The following RAB2A variants were observed in gnomAD, a reference collection of about 807,000 sequenced individuals.
The protein encoded by RAB2A is ras-related protein Rab-2A.
A neutral mutation model predicts 32.5 loss-of-function variants in RAB2A; 7 were observed. The observed-to-expected ratio is 0.22, with a 90% confidence interval of 0.12 to 0.40. RAB2A has a LOEUF of 0.40. RAB2A is among the 10% of genes least tolerant of loss of function. The pLI, the probability that RAB2A is intolerant of heterozygous loss-of-function variation, is 1.00. For synonymous variants in RAB2A, 79 were observed against 85.2 expected, an observed-to-expected ratio of 0.93 and a Z score of 0.40; for missense variants, 108 against 260.7, an observed-to-expected ratio of 0.41 and a Z score of 4.03.
intron 2 of RAB2A, among the ~76,000 whole-genome samples, chr8:60,570,400 TC>T (rs1273614257): frequency 6.6e-6 from 1 of 152,182 alleles, no homozygotes; most frequent in Admixed American, 6.5e-5. Context: ...TTCAGTATAC[TC>T]CTTTTCAGTA....
intron 5 of RAB2A, 95 bp downstream of exon 5, chr8:60,584,910 AC>A: frequency 2.5e-6 from 2 of 812,240 alleles, no homozygotes; most frequent in Non-Finnish European, 3.6e-6. Context: ...AATGTGAGTT[AC>A]CAGCCTCTTA....
chr8:60,524,381 T>C (rs538922274), intron 1 of RAB2A, among the ~76,000 whole-genome samples: 2 of 103,550 alleles, frequency 1.9e-5, no homozygotes, highest in African/African-American at 1.5e-4. Context: ...TTACTTCATT[T>C]GTTATTCTCT....
intron 6 of RAB2A, among the ~76,000 whole-genome samples, chr8:60,606,688 A>G (rs1436328639): frequency 6.6e-6 from 1 of 152,240 alleles, no homozygotes; most frequent in Non-Finnish European, 1.5e-5. Flanking sequence ...TATTGTATAC[A>G]CAAGTAATAC....
chr8:60,609,414 G>C (rs186211760), intron 6 of RAB2A, among the ~76,000 whole-genome samples: 35 of 152,222 alleles, frequency 2.3e-4, no homozygotes, highest in Non-Finnish European at 5.9e-5. Flanking sequence ...ACCTTAGTAT[G>C]ATATCATTGC....
chr8:60,614,912 C>T (rs867046167), intron 6 of RAB2A, among the ~76,000 whole-genome samples: 2 of 152,102 alleles, frequency 1.3e-5, no homozygotes, highest in Admixed American at 1.3e-4. Flanking sequence ...AACAGAGCAC[C>T]GGCCACATGG....
At chr8:60,584,180 A>G in intron 3 of RAB2A, 28 bp from the exon 4 acceptor site, 1 of 1,528,944 alleles carries the variant, frequency 6.5e-7, no homozygotes, top group Non-Finnish European at 9.1e-7. Flanking sequence ...TATTAAAGGA[A>G]ACTCTCCAAC....
intron 2 of RAB2A, among the ~76,000 whole-genome samples, chr8:60,567,014 A>G (rs2130836570): frequency 6.6e-6 from 1 of 152,286 alleles, no homozygotes; most frequent in South Asian, 2.1e-4. Context: ...TAAATAAGCC[A>G]TTCATTCTTG....
chr8:60,566,245 G>A (rs1808111344), intron 2 of RAB2A, among the ~76,000 whole-genome samples: 1 of 152,174 alleles, frequency 6.6e-6, no homozygotes, highest in African/African-American at 2.4e-5. Flanking sequence ...ATGTATCAAA[G>A]TGCGCATTCC....
In RAB2A at chr8:60,517,101, G is replaced by GGGCGGCGCCT; in HGVS notation, c.-102_-93dup. 8.3e-7 allele frequency: 1 copy of GGGCGGCGCCT among 1,210,006 alleles called. No individual in the cohort carries two copies. Among genetic ancestry groups the GGGCGGCGCCT allele is most frequent in the Non-Finnish European group, 1.1e-6 (1 of 911,466 alleles). 75.0% of individuals were successfully genotyped at this position (1,210,006 alleles called of 1,614,324 possible). A position where few individuals can be genotyped will look rare whatever the true frequency, so the allele number is the denominator to read the frequency against. ...GGCTGACAGCAGCAGCGGCGGCGGC[G>GGGCGGCGCCT]GGCGGCGCCTGGCGTTTCGAGGCTG... On this transcript the variant is annotated 5_prime_UTR_variant, in exon 1 of 8. Coordinates refer to ENST00000262646, the MANE Select transcript of RAB2A (RefSeq NM_002865.3).
intron 6 of RAB2A, among the ~76,000 whole-genome samples, chr8:60,605,852 T>TATATATATAAAA (rs777621349): frequency 2.8e-5 from 4 of 144,746 alleles, no homozygotes; most frequent in Admixed American, 2.0e-4. Context: ...TATATATATA[T>TATATATATAAAA]AATGCTTCAT....
rs749691937 is a variant in RAB2A at position 60,621,053 on chromosome 8, A to G, written c.*284A>G. ...TGCCCTTAACTACGAACTGAATTGTATTAAACACTACAAAGTCATCTTGAG... is the reference window on the plus strand; with the variant it reads ...TGCCCTTAACTACGAACTGAATTGTGTTAAACACTACAAAGTCATCTTGAG... On this transcript the variant is annotated 3_prime_UTR_variant, in exon 8 of 8. Coordinates refer to ENST00000262646, the MANE Select transcript of RAB2A (RefSeq NM_002865.3). 1 of 306,362 alleles carries G rather than the reference A, an allele frequency of 3.3e-6. No homozygotes were observed. The highest frequency in any genetic ancestry group is 6.1e-6 in the Non-Finnish European group (1 of 164,328). The allele number at this position is 306,362 out of a possible 1,614,324, so 19.0% of individuals were successfully genotyped here.
intron 1 of RAB2A, among the ~76,000 whole-genome samples, chr8:60,527,600 A>G (rs982324897): frequency 1.3e-5 from 2 of 152,226 alleles, no homozygotes; most frequent in Non-Finnish European, 2.9e-5. Context: ...ACACAGAGCC[A>G]AACCATATCA....
At chr8:60,568,369 TC>T (rs1808147264) in intron 2 of RAB2A, among the ~76,000 whole-genome samples, 2 of 57,288 alleles carry the variant, frequency 3.5e-5, no homozygotes, top group Admixed American at 3.4e-4. Context: ...TCTCACAGGG[TC>T]TCTCATCATT....
intron 3 of RAB2A, among the ~76,000 whole-genome samples, chr8:60,580,289 C>T (rs548018132): frequency 6.6e-6 from 1 of 152,196 alleles, no homozygotes; most frequent in South Asian, 2.1e-4. Flanking sequence ...GCCACTGCGA[C>T]CAGCCTAAAG....
At chr8:60,564,245 ACTGCATTGACCCACCTAC>A (rs1808070540) in intron 2 of RAB2A, among the ~76,000 whole-genome samples, 1 of 152,126 alleles carries the variant, frequency 6.6e-6, no homozygotes, top group Non-Finnish European at 1.5e-5. Context: ...GGTTTCCACC[ACTGCATTGACCCACCTAC>A]CTGCATTGTG....
chr8:60,584,412 G>A (rs1286451338), intron 4 of RAB2A, 122 bp downstream of exon 4: 3 of 777,142 alleles, frequency 3.9e-6, no homozygotes, highest in Admixed American at 5.3e-5. Flanking sequence ...CTTTAAAACT[G>A]CATCTTGAGT....
At chr8:60,531,580 T>C (rs1807476691) in intron 1 of RAB2A, among the ~76,000 whole-genome samples, 1 of 152,194 alleles carries the variant, frequency 6.6e-6, no homozygotes, top group South Asian at 2.1e-4. Context: ...GGGTTGGTCT[T>C]GCCTATAGAA....
chr8:60,526,448 A>G (rs889070035), intron 1 of RAB2A, among the ~76,000 whole-genome samples: 5 of 152,120 alleles, frequency 3.3e-5, no homozygotes, highest in Non-Finnish European at 1.5e-5. Context: ...TGTTTTAGGA[A>G]AGGTTTTCCA....
intron 6 of RAB2A, among the ~76,000 whole-genome samples, chr8:60,609,449 A>G (rs16926304): frequency 0.082 from 12,452 of 152,172 alleles, 1,550 homozygotes; most frequent in African/African-American, 0.27. Flanking sequence ...TCGGCCCACC[A>G]AAAGGATTGA....
Sources: gnomAD v4.1 joint callset for allele counts (sites outside exome capture counted in the v4.1 genomes callset) on GRCh38, gnomAD v4.1.1 for gene constraint, MANE v1.5 for transcripts, NCBI Gene and HGNC (gene_info 2026-07-23, HGNC 2026-07-21) for gene names.